PTPRT: variants seen among roughly 807,000 people sequenced by gnomAD.
The protein encoded by PTPRT is protein tyrosine phosphatase receptor type T.
A neutral mutation model predicts 176.8 loss-of-function variants in PTPRT; 56 were observed. The ratio of observed to expected loss-of-function variants is 0.32; its 90% confidence interval spans 0.26 to 0.40. The LOEUF is 0.40. Ranked by LOEUF, PTPRT falls within the 10% of genes least tolerant of loss-of-function variation. The probability of loss-of-function intolerance (pLI) is 1.00; values close to 1 mark genes in which losing one functional copy is unlikely to be tolerated. For missense variants in PTPRT, 1,540 were observed against 1,908.2 expected, an observed-to-expected ratio of 0.81 and a Z score of 3.60; for synonymous variants, 783 against 739.0, an observed-to-expected ratio of 1.06 and a Z score of -0.96.
chr20:42,541,409 T>C (rs2072576844), intron 7 of PTPRT, among the ~76,000 whole-genome samples: 1 of 151,792 alleles, frequency 6.6e-6, no homozygotes. Flanking sequence ...CAGTCAAAAC[T>C]TAGAAGTAGA....
chr20:42,541,566 CTAGTAAATACTAATACTAG>C (rs1180751045), intron 7 of PTPRT, among the ~76,000 whole-genome samples: 1 of 5,598 alleles, frequency 1.8e-4, no homozygotes, highest in Admixed American at 2.1e-3. Flanking sequence ...TAAGTATTTA[CTAGTAAATACTAATACTAG>C]TAAATAAAGC....
In PTPRT at chr20:42,332,817, G is replaced by C. The variant is rs1263346248; in HGVS notation, c.1866-16821C>G. 2.0e-5 allele frequency among the ~76,000 whole-genome samples: 3 copies of C among 152,232 alleles called. No homozygotes were observed. In the East Asian group the frequency reaches 5.8e-4, roughly 29 times the overall value. On this transcript the variant is annotated intron_variant, in intron 11 of 30. Transcript: ENST00000373187. ...ATTAAAAATTTTAATGATGAAATTGGTGGTGACAGTAGCAAATGTAATATT... is the reference window on the plus strand; with the variant it reads ...ATTAAAAATTTTAATGATGAAATTGCTGGTGACAGTAGCAAATGTAATATT...
At chr20:42,467,730 T>C (rs2071123874) in intron 8 of PTPRT, among the ~76,000 whole-genome samples, 1 of 152,152 alleles carries the variant, frequency 6.6e-6, no homozygotes, top group African/African-American at 2.4e-5. Context: ...CATGTAGATA[T>C]AAGATACACA....
intron 19 of PTPRT, among the ~76,000 whole-genome samples, chr20:42,124,574 C>T (rs1987758089): frequency 6.6e-6 from 1 of 152,282 alleles, no homozygotes; most frequent in Admixed American, 6.5e-5. Flanking sequence ...TTTAATGAAT[C>T]GTCAAGATCC....
chr20:43,188,762 G>GGGCC (rs1568834816), intron 1 of PTPRT, among the ~76,000 whole-genome samples: 7 of 129,248 alleles, frequency 5.4e-5, no homozygotes, highest in African/African-American at 8.2e-5. Context: ...GGGGGGGGGG[G>GGGCC]CTCGGGGGTG....
intron 1 of PTPRT, among the ~76,000 whole-genome samples, chr20:43,046,883 G>A (rs1197728429): frequency 6.6e-6 from 1 of 152,184 alleles, no homozygotes; most frequent in African/African-American, 2.4e-5. Flanking sequence ...TCAGAGAACT[G>A]AGAAATTTCT....
intron 2 of PTPRT, among the ~76,000 whole-genome samples, chr20:42,865,041 A>G (rs1214527169): frequency 1.3e-5 from 2 of 152,226 alleles, no homozygotes; most frequent in African/African-American, 4.8e-5. Flanking sequence ...GCCAGGCCCC[A>G]TCTGCTCCAT....
intron 7 of PTPRT, among the ~76,000 whole-genome samples, chr20:42,573,531 G>T (rs990822282): frequency 1.3e-5 from 2 of 152,150 alleles, no homozygotes; most frequent in Non-Finnish European, 2.9e-5. Flanking sequence ...ATTGTAGCCT[G>T]TAGCCCAAGT....
chr20:42,069,406 G>C (rs1020263307), downstream of PTPRT, among the ~76,000 whole-genome samples: 2 of 152,070 alleles, frequency 1.3e-5, no homozygotes, highest in Non-Finnish European at 2.9e-5. Context: ...TTGACTAACT[G>C]ACTGTGTTCC....
At chr20:42,229,918 T>C (rs932020286) in intron 15 of PTPRT, among the ~76,000 whole-genome samples, 2 of 152,198 alleles carry the variant, frequency 1.3e-5, no homozygotes, top group Non-Finnish European at 2.9e-5. Context: ...TCCGTATGTC[T>C]TTTAAATTCA....
At chr20:42,136,245 T>A (rs1988371822) in intron 18 of PTPRT, among the ~76,000 whole-genome samples, 1 of 147,828 alleles carries the variant, frequency 6.8e-6, no homozygotes, top group African/African-American at 2.5e-5. Context: ...TTTTTTTTTT[T>A]TTTTTTTTTT....
chr20:43,039,095 TTCTGGGAGAATAAAAATGCAAAAATG>T (rs1179964371), intron 1 of PTPRT, among the ~76,000 whole-genome samples: 2 of 152,148 alleles, frequency 1.3e-5, no homozygotes, highest in Non-Finnish European at 2.9e-5. Flanking sequence ...TCTAAAGTTT[TTCTGGGAGAATAAAAATGCAAAAATG>T]CCTGGGAAAC....
intron 14 of PTPRT, among the ~76,000 whole-genome samples, chr20:42,245,048 G>T (rs1157907388): frequency 6.6e-6 from 1 of 152,136 alleles, no homozygotes; most frequent in African/African-American, 2.4e-5. Context: ...CTTATGTCAG[G>T]ACTTAACATG....
Position 42,761,442 on chromosome 20 carries a change from A to T in PTPRT, c.685-4806T>A, listed in dbSNP as rs536407679. On this transcript the variant is annotated intron_variant, in intron 5 of 30. Coordinates refer to ENST00000373187, the MANE Select transcript of PTPRT (RefSeq NM_007050.6). ...AGAGAGAAATTCCATCTCAAAAAAA[A>T]AAAAATAAAACAAATAAAAAAGTGA... 5.7e-4 allele frequency among the ~76,000 whole-genome samples: 87 copies of T among 151,774 alleles called. 1 individual carries two copies. Among genetic ancestry groups the T allele is most frequent in the African/African-American group, 1.9e-3 (80 of 41,096 alleles).
chr20:43,131,088 T>C lies in PTPRT; in HGVS notation c.88+58558A>G, dbSNP rs925905638. Among the ~76,000 whole-genome samples the C allele has an allele frequency of 2.0e-5, 3 of 152,184 alleles. No homozygotes were observed. In the South Asian group the frequency reaches 6.2e-4, roughly 32 times the overall value. On this transcript the variant is annotated intron_variant, in intron 1 of 30. Transcript: ENST00000373187. ...CAGTAGCAATTCAATAACACTGGCT[T>C]CTGTCCTATTGCTGATTTAGCACCT... is the stretch of plus-strand genomic sequence containing the variant.
chr20:42,341,983 G>A (rs562143284), intron 11 of PTPRT, among the ~76,000 whole-genome samples: 3 of 152,192 alleles, frequency 2.0e-5, no homozygotes, highest in Non-Finnish European at 4.4e-5. Flanking sequence ...AGTTGTTGGT[G>A]GAGGAAGGAG....
intron 12 of PTPRT, among the ~76,000 whole-genome samples, chr20:42,298,061 A>C (rs918105458): frequency 2.0e-5 from 3 of 152,176 alleles, no homozygotes; most frequent in African/African-American, 7.2e-5. Flanking sequence ...AATATAAGCA[A>C]AGTCAACAGA....
chr20:43,084,616 A>G (rs1052631077), intron 1 of PTPRT, among the ~76,000 whole-genome samples: 5 of 152,228 alleles, frequency 3.3e-5, no homozygotes, highest in African/African-American at 1.2e-4. Flanking sequence ...GAGGGGACAC[A>G]GAGCCAAACC....
intron 7 of PTPRT, among the ~76,000 whole-genome samples, chr20:42,553,633 A>T (rs1294581523): frequency 6.6e-6 from 1 of 151,870 alleles, no homozygotes. Context: ...TCTCTCCCCC[A>T]CACTTTCACT....
Sources: allele counts gnomAD v4.1 joint callset (sites outside exome capture counted in the v4.1 genomes callset), GRCh38; gene constraint gnomAD v4.1.1; transcripts MANE v1.5; gene names NCBI Gene and HGNC (gene_info 2026-07-23, HGNC 2026-07-21).